FAM149B1: variants seen among roughly 807,000 people sequenced by gnomAD.
The protein encoded by FAM149B1 is family with sequence similarity 149 member B1.
In FAM149B1, 56 loss-of-function variants were observed where a neutral mutation model predicts 75.3. That is an observed-to-expected ratio of 0.74 (90% CI 0.60 to 0.93). The LOEUF (loss-of-function observed/expected upper bound fraction) is 0.93. Ranked by LOEUF, FAM149B1 falls within the 40% of genes least tolerant of loss-of-function variation. The pLI is 0.00. For missense variants in FAM149B1, 639 were observed against 708.4 expected (o/e 0.90, Z 1.11); for synonymous variants, 259 against 256.1 (o/e 1.01, Z -0.11).
chr10:73,235,871 A>G (rs2043808702), intron 12 of FAM149B1, among the ~76,000 whole-genome samples: 1 of 152,154 alleles, frequency 6.6e-6, no homozygotes, highest in Non-Finnish European at 1.5e-5. Context: ...AAATGCTGAC[A>G]CTGCCTACCA....
At chr10:73,227,628 T>A (rs1217444238) in intron 7 of FAM149B1, among the ~76,000 whole-genome samples, 1 of 152,174 alleles carries the variant, frequency 6.6e-6, no homozygotes, top group African/African-American at 2.4e-5. Context: ...CCTAGAGCTA[T>A]ACTGTCCAAT....
chr10:73,186,037 T>G (rs895219438), intron 3 of FAM149B1, among the ~76,000 whole-genome samples: 5 of 151,938 alleles, frequency 3.3e-5, no homozygotes, highest in East Asian at 1.9e-4. Flanking sequence ...ACACAAAAAC[T>G]TCATTAACAA....
At chr10:73,229,455 G>A (rs535740689) in intron 8 of FAM149B1, among the ~76,000 whole-genome samples, 1 of 152,322 alleles carries the variant, frequency 6.6e-6, no homozygotes, top group South Asian at 2.1e-4. Context: ...GGCACCTGTA[G>A]TGCCAGCTAC....
Position 73,232,948 on chromosome 10 carries a change from T to A in FAM149B1, c.1137T>A (p.Asp379Glu), listed in dbSNP as rs1461891911. ...CTGATTTGGCTACTAGAGATCTTGATGACAAGCTACTTATGAGGCCTGGGT... is the reference window on the plus strand; with the variant it reads ...CTGATTTGGCTACTAGAGATCTTGAAGACAAGCTACTTATGAGGCCTGGGT... ...LSLMDKLLDLDDKLLMRPGSS... is the reference protein window; with the variant it reads ...LSLMDKLLDLEDKLLMRPGSS... Residue 379 changes from aspartate (D) to glutamate (E), a missense_variant, in exon 10 of 14, where the codon GAT becomes GAA. Asp to Glu is a conservative substitution (Grantham distance 45). Coordinates refer to ENST00000242505, the MANE Select transcript of FAM149B1 (RefSeq NM_173348.2). 12 of 1,546,654 alleles carry A rather than the reference T, an allele frequency of 7.8e-6. No individual in the cohort carries two copies. The Admixed American group carries it at 2.2e-4, about 28-fold the overall frequency.
intron 1 of FAM149B1, among the ~76,000 whole-genome samples, chr10:73,172,018 T>C (rs1294978654): frequency 1.3e-5 from 2 of 152,184 alleles, no homozygotes; most frequent in African/African-American, 2.4e-5. Flanking sequence ...ATATATGTCA[T>C]TATGCATCTC....
At chr10:73,188,815 G>T (rs2042607393) in intron 3 of FAM149B1, among the ~76,000 whole-genome samples, 1 of 142,340 alleles carries the variant, frequency 7.0e-6, no homozygotes, top group African/African-American at 2.7e-5. Flanking sequence ...GGAAGGAAAG[G>T]ACAGATCACA....
At chr10:73,213,173 A>G (rs553783664) in intron 7 of FAM149B1, among the ~76,000 whole-genome samples, 220 of 152,164 alleles carry the variant, frequency 1.4e-3, no homozygotes, top group Admixed American at 2.9e-3. Flanking sequence ...CCCCTTTTAA[A>G]TAGGGTTATT....
chr10:73,234,705 TTTCTGTGC>T, intron 10 of FAM149B1, 104 bp from the exon 11 acceptor site: 1 of 1,171,642 alleles, frequency 8.5e-7, no homozygotes, highest in Non-Finnish European at 1.2e-6. Context: ...AGCCTAAAGC[TTTCTGTGC>T]ACATTAAACT....
At position 73,211,407 on chromosome 10, in the gene FAM149B1, C is replaced by T. The variant is rs576644717; in HGVS notation, c.898+969C>T. Among the ~76,000 whole-genome samples, 6 of 152,256 alleles carry T rather than the reference C, an allele frequency of 3.9e-5. No individual in the cohort carries two copies. The East Asian group carries it at 1.2e-3, about 29-fold the overall frequency. ...ATCATTAGCATACAAAAAAAAACAC[C>T]ACTTTGGGTATTATAAGAGTTTTAG... On this transcript the variant is annotated intron_variant, in intron 7 of 13. Transcript: ENST00000242505.
Position 73,168,366 on chromosome 10 carries a change from G to T in FAM149B1, c.27G>T (p.Ala9=). The stretch of plus-strand genomic sequence containing the variant: ...TGATCTCCAGATACACTCGGAAGGC[G>T]GTGCCACAGAGCTTGGAGCTGTGAG... MISRYTRK[A]VPQSLELKGI... Residue 9 remains alanine, a synonymous_variant, in exon 1 of 14, where the codon GCG becomes GCT. Transcript: ENST00000242505. The T allele has an allele frequency of 6.5e-7, 1 of 1,550,098 alleles. No individual in the cohort carries two copies. Among genetic ancestry groups the T allele is most frequent in the South Asian group, 1.2e-5 (1 of 83,994 alleles).
intron 13 of FAM149B1, among the ~76,000 whole-genome samples, 179 bp from the exon 14 acceptor site, chr10:73,240,767 A>G (rs2043931884): frequency 6.6e-6 from 1 of 151,940 alleles, no homozygotes; most frequent in Admixed American, 6.6e-5. Context: ...AGTGGAAGTG[A>G]GTAAATCAGA....
chr10:73,224,503 G>A (rs545343614), intron 7 of FAM149B1, among the ~76,000 whole-genome samples: 18 of 136,078 alleles, frequency 1.3e-4, no homozygotes, highest in Middle Eastern at 4.0e-3. Context: ...AGACAGTCTC[G>A]CTCCGTGGCC....
In FAM149B1 at chr10:73,177,951, C is replaced by T; in HGVS notation, c.258C>T (p.Ser86=). The change falls in exon 3 of 14, where the codon AGC becomes AGT. Residue 86 remains serine, a synonymous_variant. Transcript: ENST00000242505. The part of the protein sequence containing the change: ...YTGAGISTEG[S]SDFSWGYGEL... ...GCGCAGGGATATCTACTGAAGGAAGCTCGGACTTCTCCTGGGGATATGGTG... is the reference window on the plus strand; with the variant it reads ...GCGCAGGGATATCTACTGAAGGAAGTTCGGACTTCTCCTGGGGATATGGTG... 1 of 1,551,278 alleles carries T rather than the reference C, an allele frequency of 6.4e-7. No homozygotes were observed. The highest frequency in any genetic ancestry group is 2.0e-5 in the Admixed American group (1 of 50,808).
chr10:73,171,124 T>G (rs1434160193), intron 1 of FAM149B1, among the ~76,000 whole-genome samples: 1 of 152,162 alleles, frequency 6.6e-6, no homozygotes, highest in Non-Finnish European at 1.5e-5. Flanking sequence ...CAGCTAATTT[T>G]TGTATTTTTA....
intron 5 of FAM149B1, chr10:73,199,783 CAT>C (rs1239393007): frequency 6.5e-6 from 1 of 153,730 alleles, no homozygotes; most frequent in Non-Finnish European, 1.5e-5. Context: ...TTAAAAATAA[CAT>C]AGGCAGCTTT....
intron 7 of FAM149B1, among the ~76,000 whole-genome samples, chr10:73,219,896 A>G (rs565471873): frequency 1.3e-5 from 2 of 152,154 alleles, no homozygotes; most frequent in African/African-American, 4.8e-5. Context: ...CAAAAGAAAA[A>G]ATAATTTGGA....
chr10:73,210,434 C>G lies in FAM149B1; in HGVS notation c.894C>G (p.Ala298=), dbSNP rs771995769. 4.4e-5 allele frequency: 68 copies of G among 1,536,016 alleles called. No homozygotes were observed. Among genetic ancestry groups the G allele is most frequent in the Non-Finnish European group, 5.7e-5 (65 of 1,138,066 alleles). ...CACGTAGTCACTGGGAAGGATTTGC[C>G]TCTGGTAAGGATCTTTGTGAAAATA... ...QLTRSHWEGF[A]SDDESNVAVT... is the part of the protein sequence containing the mutation. The change falls in exon 7 of 14, where the codon GCC becomes GCG. Residue 298 remains alanine (A), a synonymous_variant. Coordinates refer to ENST00000242505, the MANE Select transcript of FAM149B1 (RefSeq NM_173348.2).
At chr10:73,234,991 G>A in intron 11 of FAM149B1, 51 bp downstream of exon 11, 1 of 1,540,106 alleles carries the variant, frequency 6.5e-7, no homozygotes, top group Non-Finnish European at 8.8e-7. Flanking sequence ...CAACCTAATG[G>A]GCAGTAATTC....
rs2133425337 is a variant in FAM149B1, at chr10:73,243,606, A to G, written c.*2587A>G. 2 of 1,521,284 alleles carry G rather than the reference A, an allele frequency of 1.3e-6. No homozygotes were observed. The highest frequency in any genetic ancestry group is 1.8e-6 in the Non-Finnish European group (2 of 1,110,960). 94.2% of individuals were successfully genotyped at this position (1,521,284 alleles called of 1,614,324 possible). A position where few individuals can be genotyped will look rare whatever the true frequency, so the allele number is the denominator to read the frequency against. On this transcript the variant is annotated 3_prime_UTR_variant, in exon 14 of 14. Coordinates refer to ENST00000242505, the MANE Select transcript of FAM149B1 (RefSeq NM_173348.2). ...GGTTGCCAGGGGCTGGAAAAGTGGA[A>G]TAACTACTAATGGGTATGGAGTTTT...
Sources: allele counts gnomAD v4.1 joint callset (sites outside exome capture counted in the v4.1 genomes callset), GRCh38; gene constraint gnomAD v4.1.1; transcripts MANE v1.5; gene names NCBI Gene and HGNC (gene_info 2026-07-23, HGNC 2026-07-21).